COL21A1: variants seen among roughly 807,000 people sequenced by gnomAD.
COL21A1 encodes collagen type XXI alpha 1 chain, also known as collagen alpha-1(XXI) chain.
Under a neutral mutation model 137.9 loss-of-function variants are expected in COL21A1, and 149 were observed. The observed-to-expected ratio is 1.08, with a 90% CI of 0.95 to 1.24. COL21A1 has a LOEUF of 1.24. Ranked by LOEUF, COL21A1 falls within the 50% of genes most tolerant of loss-of-function variation. The probability of loss-of-function intolerance (pLI) is 0.00; values close to 1 mark genes in which losing one functional copy is unlikely to be tolerated. For synonymous variants in COL21A1, 456 were observed against 391.5 expected (o/e 1.16, Z -1.95); for missense variants, 1,167 against 1,158.4 (o/e 1.01, Z -0.11).
chr6:56,262,195 G>A (rs939779686), intron 1 of COL21A1, among the ~76,000 whole-genome samples: 4 of 152,052 alleles, frequency 2.6e-5, no homozygotes. Flanking sequence ...TCCCACATCT[G>A]CAAAATCCTA....
rs1180212482 is a variant in COL21A1, at chr6:56,062,611, G to GT, written c.2173-931dup. ...TGCACACAATGAAGTCTGAGTTGGGGTATATCTGTTGATTAATTTTCAGGC... is the reference window on the plus strand; with the variant it reads ...TGCACACAATGAAGTCTGAGTTGGGGTTATATCTGTTGATTAATTTTCAGGC... On this transcript the variant is annotated intron_variant, in intron 24 of 29. Transcript: ENST00000244728. Among the ~76,000 whole-genome samples the GT allele has an allele frequency of 3.3e-5, 5 of 152,176 alleles. No homozygotes were observed. The East Asian group carries it at 9.7e-4, about 29-fold the overall frequency.
At chr6:56,150,924 C>T (rs1434587009) in intron 10 of COL21A1, among the ~76,000 whole-genome samples, 2 of 152,148 alleles carry the variant, frequency 1.3e-5, no homozygotes, top group Non-Finnish European at 2.9e-5. Context: ...AAGTACTTTA[C>T]TTCATAAAGA....
intron 1 of COL21A1, among the ~76,000 whole-genome samples, chr6:56,367,357 C>T (rs1290040278): frequency 1.3e-5 from 2 of 152,140 alleles, no homozygotes; most frequent in Non-Finnish European, 2.9e-5. Flanking sequence ...AGTTTATTTC[C>T]TTTGCCAGTG....
intron 1 of COL21A1, chr6:56,331,981 T>C (rs1282588379): frequency 6.6e-6 from 1 of 152,104 alleles, no homozygotes; most frequent in Admixed American, 6.6e-5. Context: ...ACACTAAATA[T>C]ACTCATTTAT....
chr6:56,228,415 C>T (rs1175758926), intron 1 of COL21A1, among the ~76,000 whole-genome samples: 3 of 151,652 alleles, frequency 2.0e-5, no homozygotes, highest in Non-Finnish European at 4.4e-5. Flanking sequence ...AGAGAATGAC[C>T]CCAGCCTCTG....
chr6:56,106,827 C>A lies in COL21A1; in HGVS notation c.1759-5302G>T, dbSNP rs149011625. 8.2e-4 allele frequency among the ~76,000 whole-genome samples: 124 copies of A among 152,092 alleles called. 4 individuals carry two copies. In the East Asian group the frequency reaches 0.018, roughly 23 times the overall value. ...TTTGAGACAGAGTTTCGCTCTGTCG[C>A]CCAGGCTGGAGTGCAGTGGCGCCAT... On this transcript the variant is annotated intron_variant, in intron 16 of 29. Coordinates refer to ENST00000244728, the MANE Select transcript of COL21A1 (RefSeq NM_030820.4).
chr6:56,096,489 T>C (rs62404894), intron 17 of COL21A1, among the ~76,000 whole-genome samples: 23,220 of 152,244 alleles, frequency 0.15, 1,796 homozygotes, highest in Middle Eastern at 0.22. Flanking sequence ...GTTTCCTGAA[T>C]TGAAGTTAAT....
intron 1 of COL21A1, among the ~76,000 whole-genome samples, chr6:56,330,895 C>G (rs901318822): frequency 2.6e-5 from 4 of 152,048 alleles, no homozygotes; most frequent in African/African-American, 9.7e-5. Flanking sequence ...TCCATAGAGG[C>G]TGTACTAATT....
rs560045886 is a variant in COL21A1, at chr6:56,346,084, A to G, written c.-39+47887T>C. Among the ~76,000 whole-genome samples the G allele has an allele frequency of 1.7e-4, 26 of 152,358 alleles. No homozygotes were observed. In the South Asian group the frequency reaches 5.0e-3, roughly 29 times the overall value. On this transcript the variant is annotated intron_variant, in intron 1 of 28. Coordinates refer to the COL21A1 transcript ENST00000370819. ...GTATTTTTTAAATTATAATTTATAT[A>G]CAGTAAAATACACAATTTCAAATTG...
At chr6:56,373,297 AT>A (rs1219052139) in intron 1 of COL21A1, among the ~76,000 whole-genome samples, 5 of 152,202 alleles carry the variant, frequency 3.3e-5, no homozygotes, top group African/African-American at 9.7e-5. Flanking sequence ...TTAAAAATTA[AT>A]TTTTTTATTT....
At chr6:56,179,278 C>T (rs1468988993) in intron 3 of COL21A1, among the ~76,000 whole-genome samples, 1 of 151,844 alleles carries the variant, frequency 6.6e-6, no homozygotes, top group Non-Finnish European at 1.5e-5. Context: ...CCTTTTTCTA[C>T]AATTTCTACA....
At chr6:56,267,364 C>T (rs1403879215) in intron 1 of COL21A1, among the ~76,000 whole-genome samples, 1 of 152,122 alleles carries the variant, frequency 6.6e-6, no homozygotes, top group African/African-American at 2.4e-5. Context: ...CTCCTTTTCA[C>T]TGATTTGACA....
chr6:56,147,609 C>T (rs992204314), intron 10 of COL21A1, among the ~76,000 whole-genome samples: 1 of 151,976 alleles, frequency 6.6e-6, no homozygotes, highest in Admixed American at 6.5e-5. Flanking sequence ...GCGTCAGTGA[C>T]CAATTCTTTG....
At chr6:56,304,256 T>G (rs980058969) in intron 1 of COL21A1, among the ~76,000 whole-genome samples, 10 of 152,074 alleles carry the variant, frequency 6.6e-5, no homozygotes, top group Non-Finnish European at 1.3e-4. Flanking sequence ...TAAAATGAGT[T>G]AGGGAGGATT....
At chr6:56,273,756 G>C (rs571356989) in intron 1 of COL21A1, among the ~76,000 whole-genome samples, 1 of 152,254 alleles carries the variant, frequency 6.6e-6, no homozygotes, top group South Asian at 2.1e-4. Flanking sequence ...TCCTGGCCCA[G>C]ATAGATTCCT....
chr6:56,170,101 C>A lies in COL21A1; in HGVS notation c.1026+548G>T, dbSNP rs561814734. ...ATAAACTTTTTCAAGTTTGTATATT[C>A]TATTAAATATGTATTCCATTAGGGT... On this transcript the variant is annotated intron_variant, in intron 5 of 29. Coordinates refer to ENST00000244728, the MANE Select transcript of COL21A1 (RefSeq NM_030820.4). 5.9e-5 allele frequency among the ~76,000 whole-genome samples: 9 copies of A among 151,812 alleles called. No homozygotes were observed. The South Asian group carries it at 1.9e-3, about 32-fold the overall frequency.
chr6:56,149,105 T>C (rs1775075562), intron 10 of COL21A1, among the ~76,000 whole-genome samples: 1 of 152,338 alleles, frequency 6.6e-6, no homozygotes, highest in South Asian at 2.1e-4. Context: ...GTAAGACCCA[T>C]ACATTTATTC....
chr6:56,075,418 CTAGTAGG>C lies in COL21A1; in HGVS notation c.1911+54_1911+60del. 6 of 1,310,452 alleles carry C rather than the reference CTAGTAGG, an allele frequency of 4.6e-6. No homozygotes were observed. In the East Asian group the frequency reaches 1.6e-4, roughly 34 times the overall value. 81.2% of individuals were successfully genotyped at this position (1,310,452 alleles called of 1,614,324 possible). A position where few individuals can be genotyped will look rare whatever the true frequency, so the allele number is the denominator to read the frequency against. On this transcript the variant is annotated intron_variant, in intron 19 of 29. Transcript: ENST00000244728. ...TTTATGAACTCTCGAATATGAACTC[CTAGTAGG>C]TAGTAGCAACACTGCAAACACTTTG...
intron 16 of COL21A1, among the ~76,000 whole-genome samples, chr6:56,103,451 G>A (rs144639468): frequency 6.6e-6 from 1 of 152,046 alleles, no homozygotes; most frequent in Non-Finnish European, 1.5e-5. Flanking sequence ...TATTAGGTTG[G>A]TGCAAAAGTA....
Sources: gnomAD v4.1 joint callset for allele counts (sites outside exome capture counted in the v4.1 genomes callset) on GRCh38, gnomAD v4.1.1 for gene constraint, MANE v1.5 for transcripts, NCBI Gene and HGNC (gene_info 2026-07-23, HGNC 2026-07-21) for gene names.